Variants in EPB41L3 observed in about 807,000 individuals in gnomAD.
EPB41L3 encodes the protein band 4.1-like protein 3.
EPB41L3 carries 57 observed loss-of-function variants against 127.1 expected under a neutral mutation model. The ratio of observed to expected loss-of-function variants is 0.45; its 90% confidence interval spans 0.36 to 0.56. The LOEUF (loss-of-function observed/expected upper bound fraction) is 0.56, where lower values mean the gene tolerates loss of function less well. Among genes scored for constraint, EPB41L3 ranks in the 20% least tolerant of loss-of-function variants. The probability of loss-of-function intolerance (pLI) is 0.00; values close to 1 mark genes in which losing one functional copy is unlikely to be tolerated. For synonymous variants in EPB41L3, 572 were observed against 549.5 expected, an observed-to-expected ratio of 1.04 and a Z score of -0.57; for missense variants, 1,273 against 1,372.2, an observed-to-expected ratio of 0.93 and a Z score of 1.14.
upstream of EPB41L3, among the ~76,000 whole-genome samples, chr18:5,544,896 C>G (rs1043020109): frequency 6.6e-6 from 1 of 151,864 alleles, no homozygotes; most frequent in African/African-American, 2.4e-5. Flanking sequence ...ATCTCATGTA[C>G]CCCATAAACA....
At chr18:5,416,563 G>A (rs538316590) in intron 12 of EPB41L3, among the ~76,000 whole-genome samples, 185 bp from the exon 13 acceptor site, 1 of 152,232 alleles carries the variant, frequency 6.6e-6, no homozygotes, top group South Asian at 2.1e-4. Flanking sequence ...TGCCACGAAC[G>A]GCTACATTTC....
intron 1 of EPB41L3, among the ~76,000 whole-genome samples, chr18:5,500,335 C>G (rs2091628145): frequency 6.6e-6 from 1 of 152,174 alleles, no homozygotes; most frequent in South Asian, 2.1e-4. Flanking sequence ...TCCCCAACAT[C>G]TGACTCTGCA....
intron 8 of EPB41L3, chr18:5,429,341 TTG>T (rs1429539521): frequency 2.0e-5 from 3 of 152,158 alleles, no homozygotes; most frequent in African/African-American, 7.2e-5. Context: ...ATCAGAGACG[TTG>T]TATCAAGCTT....
chr18:5,515,584 C>T (rs1430182406), intron 1 of EPB41L3, among the ~76,000 whole-genome samples: 2 of 152,098 alleles, frequency 1.3e-5, no homozygotes, highest in Non-Finnish European at 1.5e-5. Flanking sequence ...GCACCATCAC[C>T]AGGATTAACT....
chr18:5,488,677 T>C, intron 2 of EPB41L3: 1 of 255,278 alleles, frequency 3.9e-6, no homozygotes, highest in East Asian at 8.4e-5. Context: ...CCCTTAGACT[T>C]GAAAGAAAAA....
At chr18:5,538,725 C>T (rs2093639639) in intron 1 of EPB41L3, among the ~76,000 whole-genome samples, 1 of 152,188 alleles carries the variant, frequency 6.6e-6, no homozygotes, top group Non-Finnish European at 1.5e-5. Flanking sequence ...ACACTGATGT[C>T]CTCCATGACA....
chr18:5,533,449 G>C (rs1453668636), intron 1 of EPB41L3, among the ~76,000 whole-genome samples: 1 of 152,162 alleles, frequency 6.6e-6, no homozygotes, highest in African/African-American at 2.4e-5. Flanking sequence ...AATGTAGTCT[G>C]ACCATTTACC....
chr18:5,582,992 C>T (rs984418813), intron 3 of EPB41L3, among the ~76,000 whole-genome samples: 6 of 152,030 alleles, frequency 3.9e-5, no homozygotes, highest in South Asian at 2.1e-4. Flanking sequence ...AGGGACCCTG[C>T]GGATGAATCA....
At chr18:5,538,101 C>T (rs2093622542) in intron 1 of EPB41L3, among the ~76,000 whole-genome samples, 3 of 152,176 alleles carry the variant, frequency 2.0e-5, no homozygotes, top group Non-Finnish European at 4.4e-5. Flanking sequence ...TTTTCATTTT[C>T]TTCTTATCTA....
At position 5,395,636 on chromosome 18, in the gene EPB41L3, A is replaced by G. The variant is rs918389975; in HGVS notation, c.3045T>C (p.Ser1015=). ...TGGTGATGTGCGTAGTGGTGGTGGT[A>G]CTGGTGGTTTCAGATGTGATCGTCT... The part of the protein sequence containing the change: ...SAQTITSETT[S]TTTTTHITKT... The change falls in exon 20 of 23, where the codon AGT becomes AGC. Residue 1015 remains serine, a synonymous_variant. Transcript: ENST00000341928. 1.2e-6 allele frequency: 2 copies of G among 1,614,108 alleles called. No homozygotes were observed. Among genetic ancestry groups the G allele is most frequent in the East Asian group, 2.2e-5 (1 of 44,864 alleles).
chr18:5,399,936 C>A (rs2074222870), intron 16 of EPB41L3: 1 of 152,186 alleles, frequency 6.6e-6, no homozygotes, highest in Non-Finnish European at 1.5e-5. Context: ...GTGTTCAAGG[C>A]ATTGTAATGA....
intron 1 of EPB41L3, among the ~76,000 whole-genome samples, chr18:5,628,536 G>C (rs1345938741): frequency 6.6e-6 from 1 of 152,180 alleles, no homozygotes; most frequent in African/African-American, 2.4e-5. Context: ...TGCGCTACCC[G>C]CCAGAGCCCG....
intron 8 of EPB41L3, among the ~76,000 whole-genome samples, chr18:5,432,513 G>C (rs1305814569): frequency 6.6e-6 from 1 of 152,174 alleles, no homozygotes; most frequent in Non-Finnish European, 1.5e-5. Context: ...TAATGCATCA[G>C]AATCCAAACC....
At chr18:5,453,179 T>C (rs1387196341) in intron 3 of EPB41L3, among the ~76,000 whole-genome samples, 1 of 152,264 alleles carries the variant, frequency 6.6e-6, no homozygotes, top group Non-Finnish European at 1.5e-5. Context: ...TGGGTTTTTT[T>C]CTTCAGTCTT....
chr18:5,597,322 A>G (rs2094546537), intron 3 of EPB41L3, among the ~76,000 whole-genome samples: 1 of 152,114 alleles, frequency 6.6e-6, no homozygotes, highest in Non-Finnish European at 1.5e-5. Flanking sequence ...TCATCTCTCT[A>G]TGATATGACT....
chr18:5,465,972 CAA>C (rs11448406), intron 3 of EPB41L3, among the ~76,000 whole-genome samples: 2 of 140,428 alleles, frequency 1.4e-5, no homozygotes, highest in African/African-American at 5.1e-5. Context: ...CCACCACCAA[CAA>C]AAAAAAAAAA....
intron 13 of EPB41L3, among the ~76,000 whole-genome samples, chr18:5,411,550 CGAGTA>C (rs1380674987): frequency 1.3e-5 from 2 of 151,804 alleles, no homozygotes; most frequent in African/African-American, 4.9e-5. Context: ...TGTTTTCTCT[CGAGTA>C]GAGTAGAGCT....
At chr18:5,416,650 C>A (rs1337880646) in intron 12 of EPB41L3, among the ~76,000 whole-genome samples, 4 of 152,152 alleles carry the variant, frequency 2.6e-5, no homozygotes, top group Admixed American at 6.5e-5. Context: ...ATCCCAAAGT[C>A]TACACATTTC....
chr18:5,460,265 G>A (rs2083760745), intron 3 of EPB41L3, among the ~76,000 whole-genome samples: 1 of 152,166 alleles, frequency 6.6e-6, no homozygotes, highest in African/African-American at 2.4e-5. Context: ...TCTCATTTGG[G>A]TTCTCTCAGT....
Sources: gnomAD v4.1 joint callset for allele counts (sites outside exome capture counted in the v4.1 genomes callset) on GRCh38, gnomAD v4.1.1 for gene constraint, MANE v1.5 for transcripts, NCBI Gene and HGNC (gene_info 2026-07-23, HGNC 2026-07-21) for gene names.